ALMS1: variants seen among roughly 807,000 people sequenced by gnomAD.
The protein encoded by ALMS1 is centrosome-associated protein ALMS1.
ALMS1 carries 271 observed loss-of-function variants against 352.2 expected under a neutral mutation model. That is an observed-to-expected ratio of 0.77 (90% CI 0.70 to 0.85). ALMS1 has a LOEUF of 0.85. ALMS1 is among the 40% of genes least tolerant of loss of function. ALMS1 has a pLI of 0.00. For missense variants in ALMS1, 5,445 were observed against 4,870.7 expected, an observed-to-expected ratio of 1.12 and a Z score of -3.51; for synonymous variants, 1,865 against 1,761.2, an observed-to-expected ratio of 1.06 and a Z score of -1.48.
chr2:73,557,083 A>T, intron 13 of ALMS1, 137 bp from the exon 14 acceptor site: 1 of 1,133,954 alleles, frequency 8.8e-7, no homozygotes, highest in Non-Finnish European at 1.3e-6. Flanking sequence ...GTTTTTACAC[A>T]GGTGGAGCCT....
intron 11 of ALMS1, among the ~76,000 whole-genome samples, chr2:73,533,136 A>G (rs527411173): frequency 5.5e-4 from 84 of 152,282 alleles, no homozygotes; most frequent in Non-Finnish European, 9.6e-4. Flanking sequence ...CGTCTTCCGA[A>G]GTGAAAGGAA....
intron 10 of ALMS1, among the ~76,000 whole-genome samples, chr2:73,500,888 C>G (rs1445189661): frequency 6.6e-6 from 1 of 152,130 alleles, no homozygotes; most frequent in East Asian, 1.9e-4. Flanking sequence ...TATAGCTCAT[C>G]TCATCTAGGA....
Position 73,424,741 on chromosome 2 carries a change from A to G in ALMS1, c.1076A>G (p.Asn359Ser), listed in dbSNP as rs756388339. ...KTRKDTQWPE[N>S]NLADKDQVSV... Reference sequence around the variant, plus strand: ...CGAAAAGATACACAGTGGCCTGAAAACAATTTAGCTGATAAAGATCAAGTT... The same window carrying G: ...CGAAAAGATACACAGTGGCCTGAAAGCAATTTAGCTGATAAAGATCAAGTT... Residue 359 changes from asparagine to serine, a missense_variant, in exon 5 of 23, where the codon AAC (asparagine) becomes AGC (serine). By Grantham distance (46) the Asn-to-Ser change is conservative. Transcript: ENST00000613296. The G allele has an allele frequency of 2.5e-6, 4 of 1,614,088 alleles. No homozygotes were observed. Among genetic ancestry groups the G allele is most frequent in the Admixed American group, 3.3e-5 (2 of 60,010 alleles).
At chr2:73,469,474 A>C (rs1672424686) in intron 9 of ALMS1, 1 of 151,940 alleles carries the variant, frequency 6.6e-6, no homozygotes, top group Admixed American at 6.6e-5. Flanking sequence ...TAATAGGAGA[A>C]TATAATGTAT....
At chr2:73,578,296 A>T (rs1410013194) in intron 16 of ALMS1, among the ~76,000 whole-genome samples, 2 of 152,148 alleles carry the variant, frequency 1.3e-5, no homozygotes, top group African/African-American at 4.8e-5. Context: ...TCTCTTTTAG[A>T]CATAACATAG....
intron 15 of ALMS1, among the ~76,000 whole-genome samples, chr2:73,562,007 AAG>A (rs941926388): frequency 3.8e-4 from 58 of 152,128 alleles, no homozygotes; most frequent in African/African-American, 1.4e-3. Context: ...AATTAGAAGA[AAG>A]AGATGAAAGC....
chr2:73,389,190 A>G (rs1670594299), intron 1 of ALMS1, among the ~76,000 whole-genome samples: 1 of 152,142 alleles, frequency 6.6e-6, no homozygotes, highest in African/African-American at 2.4e-5. Context: ...TCTGATGCTT[A>G]GTGATGTTGA....
chr2:73,448,677 C>T lies in ALMS1; in HGVS notation c.2150C>T (p.Ser717Leu), dbSNP rs1306957043. 1 of 1,613,676 alleles carries T rather than the reference C, an allele frequency of 6.2e-7. No individual in the cohort carries two copies. Among genetic ancestry groups the T allele is most frequent in the Non-Finnish European group, 8.5e-7 (1 of 1,179,816 alleles). Residue 717 changes from serine to leucine, a missense_variant, in exon 8 of 23, where the codon TCA (serine) becomes TTA (leucine). By Grantham distance (145) the Ser-to-Leu change is moderately radical. Transcript: ENST00000613296. ...GCAACAGTACTCTCTACTCCCCACT[C>T]ACATAGAGAGAAGCCTGGTATTTTT... ...GTATVLSTPH[S>L]HREKPGIFYQ...
chr2:73,498,621 C>G (rs1456040279), intron 10 of ALMS1, among the ~76,000 whole-genome samples: 1 of 151,896 alleles, frequency 6.6e-6, no homozygotes, highest in East Asian at 1.9e-4. Flanking sequence ...TCCATGAGTT[C>G]AATTGTTTGG....
intron 9 of ALMS1, among the ~76,000 whole-genome samples, chr2:73,484,000 A>T (rs2103873380): frequency 6.6e-6 from 1 of 151,542 alleles, no homozygotes; most frequent in South Asian, 2.1e-4. Context: ...TGAATACAGC[A>T]CACTGATGGG....
At chr2:73,547,331 G>C (rs191059578) in intron 12 of ALMS1, among the ~76,000 whole-genome samples, 62 of 152,318 alleles carry the variant, frequency 4.1e-4, no homozygotes, top group African/African-American at 1.4e-3. Context: ...ATTAACATCA[G>C]GTTACTTACC....
At chr2:73,607,285 A>C (rs1436347062) in intron 21 of ALMS1, among the ~76,000 whole-genome samples, 1 of 152,202 alleles carries the variant, frequency 6.6e-6, no homozygotes, top group East Asian at 1.9e-4. Context: ...GGTATACATG[A>C]AACATACTTG....
intron 7 of ALMS1, among the ~76,000 whole-genome samples, chr2:73,434,621 TTC>T (rs1230269827): frequency 2.0e-5 from 3 of 152,214 alleles, no homozygotes; most frequent in Non-Finnish European, 2.9e-5. Context: ...TGTTCAAATT[TTC>T]TGTTTCCTTG....
chr2:73,554,048 C>T (rs1404985569), intron 13 of ALMS1, among the ~76,000 whole-genome samples: 1 of 152,130 alleles, frequency 6.6e-6, no homozygotes, highest in Admixed American at 6.5e-5. Context: ...GGAGAGGGAA[C>T]TGCTGACTTT....
chr2:73,440,454 TTC>T (rs758891704), intron 7 of ALMS1, among the ~76,000 whole-genome samples: 11 of 150,558 alleles, frequency 7.3e-5, no homozygotes, highest in Admixed American at 1.3e-4. Context: ...TTCGCTGTCT[TTC>T]TCTCTCTCTC....
intron 16 of ALMS1, among the ~76,000 whole-genome samples, chr2:73,582,384 C>G (rs1006913058): frequency 3.3e-5 from 5 of 152,118 alleles, no homozygotes; most frequent in African/African-American, 1.2e-4. Flanking sequence ...TGGTAAAAAA[C>G]ACATACCAAA....
At chr2:73,454,469 A>G in intron 8 of ALMS1, 2 of 748,620 alleles carry the variant, frequency 2.7e-6, no homozygotes, top group Non-Finnish European at 3.3e-6. Context: ...AGAGCCTCCA[A>G]TTTGCTGTGC....
intron 16 of ALMS1, among the ~76,000 whole-genome samples, chr2:73,587,944 A>G (rs182317260): frequency 3.3e-4 from 50 of 152,350 alleles, no homozygotes; most frequent in African/African-American, 1.1e-3. Context: ...TCCTGGAAAT[A>G]TACAACCCTT....
At chr2:73,393,964 G>A (rs1487814127) in intron 1 of ALMS1, among the ~76,000 whole-genome samples, 1 of 151,928 alleles carries the variant, frequency 6.6e-6, no homozygotes, top group Admixed American at 6.6e-5. Context: ...GGAACTACAG[G>A]CACATGCCAC....
Sources: allele counts gnomAD v4.1 joint callset (sites outside exome capture counted in the v4.1 genomes callset), GRCh38; gene constraint gnomAD v4.1.1; transcripts MANE v1.5; gene names NCBI Gene and HGNC (gene_info 2026-07-23, HGNC 2026-07-21).